PLA2G4A: variants seen among roughly 807,000 people sequenced by gnomAD.
The protein encoded by PLA2G4A is cytosolic phospholipase A2.
Under a neutral mutation model 81.9 loss-of-function variants are expected in PLA2G4A, and 40 were observed. The ratio of observed to expected loss-of-function variants is 0.49; its 90% confidence interval spans 0.38 to 0.64. The LOEUF is 0.64. PLA2G4A is among the 30% of genes least tolerant of loss of function. The pLI, the probability that PLA2G4A is intolerant of heterozygous loss-of-function variation, is 0.00. For synonymous variants in PLA2G4A, 302 were observed against 296.9 expected (o/e 1.02, Z -0.18); for missense variants, 715 against 905.1 (o/e 0.79, Z 2.69).
At chr1:186,978,234 C>A (rs973899832) in intron 16 of PLA2G4A, among the ~76,000 whole-genome samples, 3 of 152,054 alleles carry the variant, frequency 2.0e-5, no homozygotes, top group African/African-American at 7.2e-5. Flanking sequence ...TCACAGAAAA[C>A]AAGAATCAAG....
intron 13 of PLA2G4A, among the ~76,000 whole-genome samples, chr1:186,951,574 A>G (rs1656563243): frequency 6.6e-6 from 1 of 152,198 alleles, no homozygotes; most frequent in South Asian, 2.1e-4. Flanking sequence ...TCTAGATTTT[A>G]GAAGATATTA....
At chr1:186,965,384 CT>C (rs781551794) in intron 14 of PLA2G4A, 24 bp from the exon 15 acceptor site, 1 of 1,496,258 alleles carries the variant, frequency 6.7e-7, no homozygotes, top group Non-Finnish European at 9.3e-7. Flanking sequence ...TTAATTCATT[CT>C]TGTTTTTCTT....
chr1:186,908,405 G>A (rs1654817103), intron 6 of PLA2G4A, among the ~76,000 whole-genome samples: 1 of 151,678 alleles, frequency 6.6e-6, no homozygotes, highest in South Asian at 2.1e-4. Flanking sequence ...AGAATAATAA[G>A]ACCTAGATTT....
At chr1:186,893,291 G>A (rs1654211743) in intron 4 of PLA2G4A, 132 bp downstream of exon 4, 1 of 794,640 alleles carries the variant, frequency 1.3e-6, no homozygotes, top group African/African-American at 1.7e-5. Context: ...TGGTAGACTA[G>A]AATCTAAATG....
At chr1:186,887,524 T>A (rs1408512962) in intron 3 of PLA2G4A, among the ~76,000 whole-genome samples, 2 of 152,088 alleles carry the variant, frequency 1.3e-5, no homozygotes, top group Non-Finnish European at 2.9e-5. Flanking sequence ...ACCCCCGACA[T>A]TTTTTGTTTG....
intron 1 of PLA2G4A, among the ~76,000 whole-genome samples, chr1:186,833,890 A>T (rs1057265090): frequency 6.6e-6 from 1 of 152,212 alleles, no homozygotes; most frequent in African/African-American, 2.4e-5. Context: ...TATCAGTGTC[A>T]GAGTTTAGCC....
At chr1:186,988,332 A>G in intron 17 of PLA2G4A, 45 bp from the exon 18 acceptor site, 3 of 1,472,066 alleles carry the variant, frequency 2.0e-6, no homozygotes, top group Non-Finnish European at 1.9e-6. Context: ...TATATAAATG[A>G]GTTCATAGCA....
intron 12 of PLA2G4A, 146 bp downstream of exon 12, chr1:186,947,107 C>T: frequency 1.7e-6 from 1 of 602,106 alleles, no homozygotes; most frequent in Non-Finnish European, 2.9e-6. Context: ...CTAAATATTT[C>T]CTAAAAATAA....
intron 1 of PLA2G4A, among the ~76,000 whole-genome samples, chr1:186,845,831 T>C (rs1013713329): frequency 1.3e-5 from 2 of 152,184 alleles, no homozygotes; most frequent in South Asian, 4.1e-4. Flanking sequence ...TGCCAACAGT[T>C]ACATTGCATC....
intron 3 of PLA2G4A, among the ~76,000 whole-genome samples, chr1:186,888,171 G>A (rs1169281444): frequency 6.6e-6 from 1 of 152,146 alleles, no homozygotes; most frequent in Non-Finnish European, 1.5e-5. Context: ...CAACATGACA[G>A]CTATTAAACT....
rs530204594 is a variant in PLA2G4A, at chr1:186,915,393, G to A, written c.558+4004G>A. ...AAGACAGCTTGTAACTGTATGATTC[G>A]GTTGATCATGTAAATGGGGGTCCAG... On this transcript the variant is annotated intron_variant, in intron 7 of 17. Transcript: ENST00000367466. 1.8e-3 allele frequency among the ~76,000 whole-genome samples: 279 copies of A among 152,170 alleles called. 1 individual carries two copies. Among genetic ancestry groups the A allele is most frequent in the Non-Finnish European group, 2.6e-3 (179 of 68,012 alleles).
chr1:186,840,409 T>A (rs888854038), intron 1 of PLA2G4A, among the ~76,000 whole-genome samples: 2 of 152,160 alleles, frequency 1.3e-5, no homozygotes, highest in Non-Finnish European at 2.9e-5. Context: ...TCTTATGATC[T>A]GAGAAGAAAA....
At chr1:186,941,410 T>C (rs1479307277) in intron 10 of PLA2G4A, among the ~76,000 whole-genome samples, 4 of 152,240 alleles carry the variant, frequency 2.6e-5, no homozygotes, top group African/African-American at 4.8e-5. Flanking sequence ...TTCATTCAAA[T>C]GTTTATTAAA....
intron 2 of PLA2G4A, among the ~76,000 whole-genome samples, chr1:186,865,054 G>A (rs1244644554): frequency 6.6e-6 from 1 of 150,398 alleles, no homozygotes; most frequent in Non-Finnish European, 1.5e-5. Context: ...GTGATAGAAT[G>A]AGACTCTGTC....
At chr1:186,952,802 A>T (rs922666543) in intron 13 of PLA2G4A, among the ~76,000 whole-genome samples, 1 of 151,468 alleles carries the variant, frequency 6.6e-6, no homozygotes, top group African/African-American at 2.4e-5. Context: ...TCAGAATCAA[A>T]CAATAATGTA....
chr1:186,905,041 G>T (rs890900164), intron 5 of PLA2G4A, among the ~76,000 whole-genome samples: 1 of 152,146 alleles, frequency 6.6e-6, no homozygotes, highest in Non-Finnish European at 1.5e-5. Flanking sequence ...TTTTAGTAGA[G>T]ATGGGATTTC....
rs1324264195 is a variant in PLA2G4A, at chr1:186,920,106, A to G, written c.558+8717A>G. The stretch of plus-strand genomic sequence containing the variant: ...CCCATACTTGGGCCATTGCTTAGCT[A>G]GAGCTGGTTTTATCTCTTGGCCTGG... On this transcript the variant is annotated intron_variant, in intron 7 of 17. Coordinates refer to ENST00000367466, the MANE Select transcript of PLA2G4A (RefSeq NM_024420.3). Among the ~76,000 whole-genome samples the G allele has an allele frequency of 2.0e-5, 3 of 152,176 alleles. No individual in the cohort carries two copies. The East Asian group carries it at 5.8e-4, about 29-fold the overall frequency.
At chr1:186,860,965 GT>G (rs1652776451) in intron 2 of PLA2G4A, among the ~76,000 whole-genome samples, 1 of 151,978 alleles carries the variant, frequency 6.6e-6, no homozygotes, top group South Asian at 2.1e-4. Context: ...TAATGGATGG[GT>G]TTATTTCTGT....
intron 8 of PLA2G4A, among the ~76,000 whole-genome samples, chr1:186,938,655 C>T (rs556216519): frequency 6.6e-6 from 1 of 152,242 alleles, no homozygotes; most frequent in African/African-American, 2.4e-5. Flanking sequence ...CAAGTCAATT[C>T]ATTTACATGA....
Sources: allele counts gnomAD v4.1 joint callset (sites outside exome capture counted in the v4.1 genomes callset), GRCh38; gene constraint gnomAD v4.1.1; transcripts MANE v1.5; gene names NCBI Gene and HGNC (gene_info 2026-07-23, HGNC 2026-07-21).